DPYD: variants seen among roughly 807,000 people sequenced by gnomAD.
DPYD encodes dihydropyrimidine dehydrogenase [NADP(+)].
Under a neutral mutation model 116.2 loss-of-function variants are expected in DPYD, and 109 were observed. The ratio of observed to expected loss-of-function variants is 0.94; its 90% CI spans 0.80 to 1.10. The LOEUF (loss-of-function observed/expected upper bound fraction) is 1.10. DPYD is among the 50% of genes least tolerant of loss of function. DPYD has a pLI of 0.00. For missense variants in DPYD, 1,302 were observed against 1,254.5 expected (o/e 1.04, Z -0.57); for synonymous variants, 440 against 432.0 (o/e 1.02, Z -0.23).
At chr1:97,818,151 A>T (rs567947126) in intron 3 of DPYD, among the ~76,000 whole-genome samples, 1 of 152,002 alleles carries the variant, frequency 6.6e-6, no homozygotes, top group African/African-American at 2.4e-5. Flanking sequence ...TACATTCTGT[A>T]TATCAATGGT....
At position 97,825,771 on chromosome 1, in the gene DPYD, T is replaced by TA. The variant is rs397940082; in HGVS notation, c.233+2342dup. The stretch of plus-strand genomic sequence containing the variant: ...ATGTACCCTAGAACTTAAAGTATAA[T>TA]AAAAAAAAAAGAAAGAAAGAAAAAC... On this transcript the variant is annotated intron_variant, in intron 3 of 22. Coordinates refer to ENST00000370192, the MANE Select transcript of DPYD (RefSeq NM_000110.4). 9.5e-3 allele frequency among the ~76,000 whole-genome samples: 1,367 copies of TA among 144,418 alleles called. 22 individuals carry two copies. The highest frequency in any genetic ancestry group is 0.032 in the African/African-American group (1,255 of 39,374). 94.7% of individuals were successfully genotyped at this position (144,418 alleles called of 152,430 possible).
intron 21 of DPYD, among the ~76,000 whole-genome samples, chr1:97,089,610 T>C (rs964890202): frequency 1.3e-5 from 2 of 152,174 alleles, no homozygotes; most frequent in African/African-American, 4.8e-5. Context: ...CTTCTTTTGA[T>C]ACCCTCTTCT....
intron 3 of DPYD, among the ~76,000 whole-genome samples, chr1:97,808,096 G>A (rs1164320755): frequency 6.6e-6 from 1 of 151,998 alleles, no homozygotes; most frequent in African/African-American, 2.4e-5. Context: ...GTTATTCTGA[G>A]TCTTCTGCTT....
chr1:97,750,488 C>T (rs78343601), intron 3 of DPYD, among the ~76,000 whole-genome samples: 2,068 of 152,162 alleles, frequency 0.014, 22 homozygotes, highest in Middle Eastern at 0.024. Flanking sequence ...ATATTGTTTG[C>T]GTTTTTTGCA....
At chr1:97,854,031 C>T (rs1297365179) in intron 2 of DPYD, among the ~76,000 whole-genome samples, 1 of 152,140 alleles carries the variant, frequency 6.6e-6, no homozygotes. Flanking sequence ...CATTTGACTG[C>T]TGATTATATT....
intron 20 of DPYD, among the ~76,000 whole-genome samples, chr1:97,168,485 G>T (rs1431816134): frequency 1.3e-5 from 2 of 152,150 alleles, no homozygotes; most frequent in Admixed American, 1.3e-4. Flanking sequence ...CCACTGCAAG[G>T]TATTAATATT....
intron 14 of DPYD, among the ~76,000 whole-genome samples, chr1:97,388,063 C>T (rs6665429): frequency 0.28 from 42,932 of 151,902 alleles, 6,326 homozygotes; most frequent in Middle Eastern, 0.37. Context: ...ATAATATCCA[C>T]GGAGATACAG....
chr1:97,187,154 C>A (rs994869025), intron 20 of DPYD, among the ~76,000 whole-genome samples: 2 of 152,092 alleles, frequency 1.3e-5, no homozygotes, highest in African/African-American at 4.8e-5. Flanking sequence ...AATCTCTATA[C>A]TCTTTTCCAC....
chr1:97,424,533 G>T (rs1349875740), intron 14 of DPYD, among the ~76,000 whole-genome samples: 1 of 152,026 alleles, frequency 6.6e-6, no homozygotes, highest in African/African-American at 2.4e-5. Context: ...ATCACAGTAA[G>T]GAGAAAATGA....
intron 3 of DPYD, among the ~76,000 whole-genome samples, chr1:97,768,792 G>A (rs1225269808): frequency 1.3e-5 from 2 of 151,674 alleles, no homozygotes; most frequent in Admixed American, 6.6e-5. Flanking sequence ...TAGTCTACCA[G>A]GTTAAATGAA....
chr1:97,389,926 G>T (rs1029302898), intron 14 of DPYD, among the ~76,000 whole-genome samples: 5 of 148,880 alleles, frequency 3.4e-5, no homozygotes, highest in Admixed American at 6.7e-5. Flanking sequence ...TTAAATAAAA[G>T]AATCAAATTT....
At chr1:97,506,426 G>C (rs1433273478) in intron 13 of DPYD, among the ~76,000 whole-genome samples, 1 of 151,796 alleles carries the variant, frequency 6.6e-6, no homozygotes, top group East Asian at 1.9e-4. Flanking sequence ...AGAATTATGT[G>C]AGACAGAATA....
At chr1:97,112,646 C>T (rs1204295483) in intron 20 of DPYD, among the ~76,000 whole-genome samples, 1 of 152,098 alleles carries the variant, frequency 6.6e-6, no homozygotes, top group Non-Finnish European at 1.5e-5. Context: ...ACAGTATATG[C>T]TTAAGTTAAG....
Position 97,847,937 on chromosome 1 carries a change from C to T in DPYD, c.151-19741G>A, listed in dbSNP as rs1239626338. Among the ~76,000 whole-genome samples, 8 of 152,032 alleles carry T rather than the reference C, an allele frequency of 5.3e-5. No individual in the cohort carries two copies. In the East Asian group the frequency reaches 9.6e-4, roughly 18 times the overall value. On this transcript the variant is annotated intron_variant, in intron 2 of 22. Coordinates refer to ENST00000370192, the MANE Select transcript of DPYD (RefSeq NM_000110.4). ...CAGAATTTAAAAATAAAAGGATGGG[C>T]TATGTGAATGCAAAGCACATGATTG...
In DPYD at chr1:97,573,775, G is replaced by C. The variant is rs1293056834; in HGVS notation, c.1324C>G (p.Leu442Val). Residue 442 changes from leucine (L) to valine (V), a missense_variant, in exon 11 of 23, where the codon CTG (leucine) becomes GTG (valine). By Grantham distance (32) the Leu-to-Val change is conservative (BLOSUM62 1). Coordinates refer to ENST00000370192, the MANE Select transcript of DPYD (RefSeq NM_000110.4). ...DVVISAFGSV[L>V]SDPKVKEALS... ...AGCACTGTACCTTTAGGATCACTCA[G>C]AACTGAACCAAAGGCACTGATGACC... 3.7e-6 allele frequency: 6 copies of C among 1,613,386 alleles called. No individual in the cohort carries two copies. The highest frequency in any genetic ancestry group is 5.1e-6 in the Non-Finnish European group (6 of 1,179,566).
intron 20 of DPYD, among the ~76,000 whole-genome samples, chr1:97,190,829 T>C (rs190240642): frequency 4.7e-4 from 71 of 152,312 alleles, no homozygotes; most frequent in Middle Eastern, 3.4e-3. Context: ...CTTCTAAATA[T>C]CTATTCTGGT....
At chr1:97,506,920 G>A (rs1647378536) in intron 13 of DPYD, among the ~76,000 whole-genome samples, 1 of 152,016 alleles carries the variant, frequency 6.6e-6, no homozygotes, top group South Asian at 2.1e-4. Context: ...AACAGAGACT[G>A]ATTTAAAACT....
chr1:97,816,552 C>T (rs1356812291), intron 3 of DPYD, among the ~76,000 whole-genome samples: 2 of 152,100 alleles, frequency 1.3e-5, no homozygotes, highest in Non-Finnish European at 2.9e-5. Flanking sequence ...TAAACTAACA[C>T]AATGTTGTCC....
intron 18 of DPYD, among the ~76,000 whole-genome samples, chr1:97,240,406 G>A (rs1433730162): frequency 6.6e-6 from 1 of 151,850 alleles, no homozygotes; most frequent in Non-Finnish European, 1.5e-5. Context: ...TAAATAACTG[G>A]AATTTTGAAT....
Sources: gnomAD v4.1 joint callset for allele counts (sites outside exome capture counted in the v4.1 genomes callset) on GRCh38, gnomAD v4.1.1 for gene constraint, MANE v1.5 for transcripts, NCBI Gene and HGNC (gene_info 2026-07-23, HGNC 2026-07-21) for gene names.